Variants in CACNA2D4 observed in about 807,000 individuals in gnomAD.
CACNA2D4 encodes calcium voltage-gated channel auxiliary subunit alpha2delta 4.
A neutral mutation model predicts 163.8 loss-of-function variants in CACNA2D4; 157 were observed. The ratio of observed to expected loss-of-function variants is 0.96; its 90% CI spans 0.84 to 1.09. CACNA2D4 has a LOEUF of 1.09. Ranked by LOEUF, CACNA2D4 falls within the 50% of genes least tolerant of loss-of-function variation. CACNA2D4 has a pLI of 0.00. For missense variants in CACNA2D4, 1,410 were observed against 1,479.9 expected (o/e 0.95, Z 0.78); for synonymous variants, 598 against 586.9 (o/e 1.02, Z -0.27).
Position 1,878,956 on chromosome 12 carries a change from C to T in CACNA2D4, c.1644G>A (p.Lys548=), listed in dbSNP as rs1162624233. 6.2e-7 allele frequency: 1 copy of T among 1,613,500 alleles called. No homozygotes were observed. Among genetic ancestry groups the T allele is most frequent in the East Asian group, 2.2e-5 (1 of 44,890 alleles). The change falls in exon 15 of 38, where the codon AAG becomes AAA. Residue 548 remains lysine (K), a splice_region_variant and synonymous_variant. Transcript: ENST00000382722. This position sits in a 1 kb window ranked among gnomAD's most constrained non-coding sequence, Gnocchi z 4.6. Reference sequence around the variant, plus strand: ...CCACAGGGAACAGACCCAGGCTCACCTTGTACCGGGGCGCCAGCTTCATCA... The same window carrying T: ...CCACAGGGAACAGACCCAGGCTCACTTTGTACCGGGGCGCCAGCTTCATCA... The part of the protein sequence containing the change: ...RELMKLAPRY[K]LGVHGYAFLN...
At chr12:1,888,732 G>C (rs1866210707) in intron 6 of CACNA2D4, among the ~76,000 whole-genome samples, 1 of 152,196 alleles carries the variant, frequency 6.6e-6, no homozygotes, top group African/African-American at 2.4e-5. Context: ...ACTGAGGCTG[G>C]AATGAGAAGG....
chr12:1,907,641 G>C, intron 5 of CACNA2D4, 70 bp from the exon 6 acceptor site: 2 of 1,434,446 alleles, frequency 1.4e-6, no homozygotes, highest in Non-Finnish European at 1.9e-6. Flanking sequence ...GCCCGGTGAG[G>C]GTGCCTGGTG....
intron 6 of CACNA2D4, among the ~76,000 whole-genome samples, chr12:1,905,405 G>T (rs1866635764): frequency 6.6e-6 from 1 of 152,010 alleles, no homozygotes. Flanking sequence ...AAACTGGAAA[G>T]AAAGAAGTAA....
intron 6 of CACNA2D4, among the ~76,000 whole-genome samples, chr12:1,888,189 G>T (rs1866197436): frequency 6.6e-6 from 1 of 152,188 alleles, no homozygotes; most frequent in Admixed American, 6.5e-5. Flanking sequence ...CAGCAACATG[G>T]TCATGGGGAA....
intron 26 of CACNA2D4, among the ~76,000 whole-genome samples, chr12:1,812,016 A>G (rs1268245995): frequency 6.6e-6 from 1 of 152,166 alleles, no homozygotes; most frequent in Non-Finnish European, 1.5e-5. Context: ...TTCATCCTAG[A>G]TCTCTGGGAA....
At chr12:1,841,283 G>A (rs375671444) in intron 25 of CACNA2D4, among the ~76,000 whole-genome samples, 6 of 152,308 alleles carry the variant, frequency 3.9e-5, no homozygotes, top group African/African-American at 9.6e-5. Context: ...CCACAGCCGA[G>A]CCACCATGCG....
chr12:1,840,670 G>T, intron 26 of CACNA2D4, 69 bp downstream of exon 26: 2 of 1,336,364 alleles, frequency 1.5e-6, no homozygotes, highest in Non-Finnish European at 2.1e-6. Flanking sequence ...GCCTTCTGCT[G>T]TGATCTATGC....
chr12:1,808,283 G>A (rs952671568), intron 29 of CACNA2D4, among the ~76,000 whole-genome samples: 4 of 152,234 alleles, frequency 2.6e-5, no homozygotes, highest in South Asian at 2.1e-4. Flanking sequence ...ACTACAGCCC[G>A]TAGGCCAAGC....
intron 26 of CACNA2D4, among the ~76,000 whole-genome samples, chr12:1,816,149 C>A (rs115600056): frequency 6.6e-6 from 1 of 152,156 alleles, no homozygotes; most frequent in South Asian, 2.1e-4. Flanking sequence ...TGGTTACTTG[C>A]GGGGAGGACT....
intron 23 of CACNA2D4, among the ~76,000 whole-genome samples, chr12:1,849,176 G>A (rs1865219680): frequency 6.6e-6 from 1 of 152,144 alleles, no homozygotes; most frequent in Non-Finnish European, 1.5e-5. Flanking sequence ...TGCTGCGGTG[G>A]GCCCTTTCAG....
chr12:1,911,639 G>A (rs1413811060), intron 3 of CACNA2D4, among the ~76,000 whole-genome samples: 2 of 152,154 alleles, frequency 1.3e-5, no homozygotes, highest in Non-Finnish European at 1.5e-5. Flanking sequence ...CGCAGGAGGC[G>A]CAGGGACCGG....
At position 1,853,991 on chromosome 12, in the gene CACNA2D4, T is replaced by G; in HGVS notation, c.2206A>C (p.Met736Leu). 6.2e-7 allele frequency: 1 copy of G among 1,613,012 alleles called. No homozygotes were observed. The highest frequency in any genetic ancestry group is 8.5e-7 in the Non-Finnish European group (1 of 1,179,430). The change falls in exon 23 of 38, where the codon ATG (methionine) becomes CTG (leucine). Residue 736 changes from methionine (M) to leucine (L), a missense_variant. Coordinates refer to ENST00000382722, the MANE Select transcript of CACNA2D4 (RefSeq NM_172364.5). ...VLFDAVVTAPMEAYWTALALN... is the reference protein window; with the variant it reads ...VLFDAVVTAPLEAYWTALALN... ...GCCAGCGCTGTCCAGTAGGCTTCCA[T>G]GGGGGCTGTCACCACCGCGTCAAAC...
At chr12:1,831,498 C>T in intron 26 of CACNA2D4, 4 of 1,613,686 alleles carry the variant, frequency 2.5e-6, no homozygotes, top group Non-Finnish European at 3.4e-6. Context: ...TGAGTTCAAA[C>T]ACTGGATGGA....
At chr12:1,906,855 A>C (rs990612113) in intron 6 of CACNA2D4, among the ~76,000 whole-genome samples, 1 of 152,250 alleles carries the variant, frequency 6.6e-6, no homozygotes, top group Non-Finnish European at 1.5e-5. Flanking sequence ...CCTGTTTCAG[A>C]AAAGTGGGAT....
Position 1,823,814 on chromosome 12 carries a change from G to A in CACNA2D4, c.2552-12091C>T, listed in dbSNP as rs114829839. On this transcript the variant is annotated intron_variant, in intron 26 of 37. Transcript: ENST00000382722. ...AGCTGCCTTCTCAGCTCCAGCGGGA[G>A]TGGATCAGGCAATGCCGTGGACACT... is the stretch of plus-strand genomic sequence containing the variant. Among the ~76,000 whole-genome samples the A allele has an allele frequency of 3.2e-3, 490 of 152,344 alleles. 2 individuals are homozygous for A. The highest frequency in any genetic ancestry group is 0.011 in the African/African-American group (465 of 41,582).
At chr12:1,825,295 A>G (rs75695718) in intron 26 of CACNA2D4, among the ~76,000 whole-genome samples, 10,322 of 152,270 alleles carry the variant, frequency 0.068, 497 homozygotes, top group African/African-American at 0.13. Flanking sequence ...CAGAAGCCTT[A>G]GGTGGAAACT....
intron 23 of CACNA2D4, among the ~76,000 whole-genome samples, chr12:1,852,720 G>T (rs1186999020): frequency 6.6e-6 from 1 of 152,190 alleles, no homozygotes; most frequent in Non-Finnish European, 1.5e-5. Context: ...AGGTTGGAAA[G>T]ATGAAGATGG....
rs575198430 is a variant in CACNA2D4 at position 1,826,299 on chromosome 12, C to T, written c.2551+14440G>A. Among the ~76,000 whole-genome samples, 12 of 152,222 alleles carry T rather than the reference C, an allele frequency of 7.9e-5. No individual in the cohort carries two copies. The South Asian group carries it at 1.9e-3, about 24-fold the overall frequency. Reference sequence around the variant, plus strand: ...TAGATTGATCCTCATAGAAACTCCACCAAGCAGGTATTGCGGTCACCATTT... The same window carrying T: ...TAGATTGATCCTCATAGAAACTCCATCAAGCAGGTATTGCGGTCACCATTT... On this transcript the variant is annotated intron_variant, in intron 26 of 37. Coordinates refer to ENST00000382722, the MANE Select transcript of CACNA2D4 (RefSeq NM_172364.5).
chr12:1,813,941 G>T (rs1455973556), intron 26 of CACNA2D4, among the ~76,000 whole-genome samples: 1 of 152,032 alleles, frequency 6.6e-6, no homozygotes, highest in African/African-American at 2.4e-5. Flanking sequence ...GGGACCCCTC[G>T]GTCTCTTCTC....
Sources: gnomAD v4.1 joint callset for allele counts (sites outside exome capture counted in the v4.1 genomes callset) on GRCh38, gnomAD v4.1.1 for gene constraint, Gnocchi (gnomAD v3.1) non-coding constraint, MANE v1.5 for transcripts, NCBI Gene and HGNC (gene_info 2026-07-23, HGNC 2026-07-21) for gene names.